The following EPN2 variants were observed in gnomAD, a reference collection of about 807,000 sequenced individuals.
The protein encoded by EPN2 is epsin 2.
Under a neutral mutation model 61.7 loss-of-function variants are expected in EPN2, and 34 were observed. The observed-to-expected ratio is 0.55, with a 90% CI of 0.42 to 0.73. EPN2 has a LOEUF of 0.73. Among genes scored for constraint, EPN2 ranks in the 30% least tolerant of loss-of-function variants. EPN2 has a pLI of 0.00. For synonymous variants in EPN2, 349 were observed against 353.6 expected, an observed-to-expected ratio of 0.99 and a Z score of 0.15; for missense variants, 714 against 839.2, an observed-to-expected ratio of 0.85 and a Z score of 1.84.
chr17:19,305,267 A>G (rs1450099633), intron 4 of EPN2, among the ~76,000 whole-genome samples: 4 of 152,094 alleles, frequency 2.6e-5, no homozygotes, highest in Non-Finnish European at 5.9e-5. Context: ...GACTACAGGC[A>G]CGTGCCACCA....
chr17:19,316,065 C>T (rs181640471), intron 7 of EPN2, among the ~76,000 whole-genome samples: 71 of 152,284 alleles, frequency 4.7e-4, no homozygotes, highest in Non-Finnish European at 7.8e-4. Flanking sequence ...TGTGTCAGTC[C>T]TTCATGACTT....
chr17:19,274,767 T>G (rs1002180367), intron 1 of EPN2, among the ~76,000 whole-genome samples: 1 of 152,230 alleles, frequency 6.6e-6, no homozygotes, highest in African/African-American at 2.4e-5. Flanking sequence ...TGGGGAACTC[T>G]AGATTTGGAA....
chr17:19,247,383 T>G (rs2044964635), intron 1 of EPN2, among the ~76,000 whole-genome samples: 1 of 152,178 alleles, frequency 6.6e-6, no homozygotes, highest in African/African-American at 2.4e-5. Flanking sequence ...GAGCCATGAT[T>G]TTGATTCTTT....
chr17:19,324,356 G>A (rs1311280481), intron 7 of EPN2, among the ~76,000 whole-genome samples: 4 of 152,134 alleles, frequency 2.6e-5, no homozygotes, highest in African/African-American at 9.7e-5. Context: ...ATATTTAGAC[G>A]GAGTTTTGTT....
At chr17:19,238,193 G>C (rs949271380) in intron 1 of EPN2, among the ~76,000 whole-genome samples, 1 of 152,162 alleles carries the variant, frequency 6.6e-6, no homozygotes, top group African/African-American at 2.4e-5. Context: ...GTTCCGCGTG[G>C]GATGGCAGAG....
intron 9 of EPN2, chr17:19,330,706 T>C (rs932047095): frequency 6.6e-6 from 1 of 152,338 alleles, no homozygotes; most frequent in Non-Finnish European, 1.5e-5. Flanking sequence ...TTTGAAACAT[T>C]TATCCCCTGC....
At chr17:19,308,722 T>G (rs1422024158) in intron 4 of EPN2, 1 of 968,800 alleles carries the variant, frequency 1.0e-6, no homozygotes, top group Non-Finnish European at 1.2e-6. Context: ...GTTCTGAGAG[T>G]TTTAGAGAAG....
At chr17:19,266,935 C>A (rs1161049897) in intron 1 of EPN2, among the ~76,000 whole-genome samples, 1 of 147,568 alleles carries the variant, frequency 6.8e-6, no homozygotes, top group Non-Finnish European at 1.5e-5. Context: ...GCCTGTAATC[C>A]CAGCACTTTG....
intron 1 of EPN2, among the ~76,000 whole-genome samples, chr17:19,263,909 G>T (rs1206605811): frequency 6.7e-6 from 1 of 148,822 alleles, no homozygotes; most frequent in African/African-American, 2.5e-5. Context: ...GGGGGCTGGA[G>T]CGAGAAGGGG....
In EPN2 at chr17:19,237,434, C is replaced by CGGCGGT. The variant is rs1339629506; in HGVS notation, c.-385_-380dup. 2.0e-5 allele frequency: 3 copies of CGGCGGT among 152,118 alleles called. No individual in the cohort carries two copies. The highest frequency in any genetic ancestry group is 4.1e-4 in the South Asian group (2 of 4,832). The allele number at this position is 152,118 out of a possible 1,614,324, so 9.4% of individuals were successfully genotyped here. On this transcript the variant is annotated 5_prime_UTR_variant, in exon 1 of 11. Coordinates refer to ENST00000314728, the MANE Select transcript of EPN2 (RefSeq NM_014964.5). ...TGTGGGTGTCAAACTGAGCCAGACG[C>CGGCGGT]GGCGGTGGCGGCGGCTCCGCGGGCT...
chr17:19,253,410 CTTTTTTTT>C (rs59492982), intron 1 of EPN2, among the ~76,000 whole-genome samples: 3 of 101,874 alleles, frequency 2.9e-5, no homozygotes, highest in African/African-American at 1.3e-4. Flanking sequence ...TAAATAGTTG[CTTTTTTTT>C]TTTTTTTTTT....
intron 5 of EPN2, among the ~76,000 whole-genome samples, chr17:19,310,539 CTTTTCTT>C (rs1906072773): frequency 7.9e-6 from 1 of 126,516 alleles, no homozygotes; most frequent in Non-Finnish European, 1.7e-5. Flanking sequence ...TTTCTTTTCT[CTTTTCTT>C]TTCTTTCTCT....
intron 1 of EPN2, among the ~76,000 whole-genome samples, chr17:19,249,120 A>G (rs1057448131): frequency 6.6e-6 from 1 of 152,210 alleles, no homozygotes. Context: ...TGTGGTTTTC[A>G]CGTAGCCTTT....
intron 7 of EPN2, among the ~76,000 whole-genome samples, chr17:19,319,972 G>A (rs553564882): frequency 6.6e-6 from 1 of 152,344 alleles, no homozygotes; most frequent in Admixed American, 6.5e-5. Flanking sequence ...TTATACTTTT[G>A]CAGGGAGCCT....
At chr17:19,278,947 A>G (rs973841865) in intron 1 of EPN2, among the ~76,000 whole-genome samples, 3 of 152,124 alleles carry the variant, frequency 2.0e-5, no homozygotes, top group African/African-American at 7.2e-5. Context: ...CCTAGTGAGG[A>G]TTTCTTAGTG....
Position 19,244,351 on chromosome 17 carries a change from C to G in EPN2, c.-294+6820C>G, listed in dbSNP as rs922022186. ...GCGTGGGCCTGTAGTCCCAACTACT[C>G]GAGAGGCTGAGGCACGAGAATTGCT... On this transcript the variant is annotated intron_variant, in intron 1 of 10. Transcript: ENST00000314728. Among the ~76,000 whole-genome samples, 5 of 151,430 alleles carry G rather than the reference C, an allele frequency of 3.3e-5. No individual in the cohort carries two copies. In the East Asian group the frequency reaches 9.7e-4, roughly 29 times the overall value.
intron 7 of EPN2, among the ~76,000 whole-genome samples, chr17:19,320,663 C>G (rs1235910845): frequency 6.6e-6 from 1 of 152,222 alleles, no homozygotes; most frequent in South Asian, 2.1e-4. Context: ...AACCACTAGT[C>G]TGGTGCCCCC....
At chr17:19,291,166 G>C (rs2045460660) in intron 4 of EPN2, among the ~76,000 whole-genome samples, 1 of 152,260 alleles carries the variant, frequency 6.6e-6, no homozygotes, top group African/African-American at 2.4e-5. Flanking sequence ...AGCCAGGATT[G>C]TATACAGTGG....
intron 7 of EPN2, among the ~76,000 whole-genome samples, chr17:19,315,421 A>G (rs753750684): frequency 2.0e-5 from 3 of 152,144 alleles, no homozygotes; most frequent in Non-Finnish European, 4.4e-5. Context: ...TGCTTCACCT[A>G]GGAATGCTGC....
Sources: gnomAD v4.1 joint callset for allele counts (sites outside exome capture counted in the v4.1 genomes callset) on GRCh38, gnomAD v4.1.1 for gene constraint, MANE v1.5 for transcripts, NCBI Gene and HGNC (gene_info 2026-07-23, HGNC 2026-07-21) for gene names.